MSRA: variants seen among roughly 807,000 people sequenced by gnomAD.
MSRA encodes methionine sulfoxide reductase A.
A neutral mutation model predicts 31.3 loss-of-function variants in MSRA; 54 were observed. The observed-to-expected ratio is 1.73, with a 90% confidence interval of 1.39 to 2.17. The LOEUF is 2.17. Among genes scored for constraint, MSRA ranks in the 30% most tolerant of loss-of-function variants. The pLI is 0.00. For missense variants in MSRA, 507 were observed against 300.9 expected (o/e 1.69, Z -5.07); for synonymous variants, 169 against 116.5 (o/e 1.45, Z -2.90).
At chr8:10,121,722 A>G (rs999201737) in intron 1 of MSRA, among the ~76,000 whole-genome samples, 1 of 151,628 alleles carries the variant, frequency 6.6e-6, no homozygotes, top group Non-Finnish European at 1.5e-5. Context: ...CTAGGCTGGC[A>G]TGCAGCGGTA....
intron 3 of MSRA, among the ~76,000 whole-genome samples, chr8:10,277,004 C>T (rs1249633915): frequency 4.0e-5 from 6 of 151,808 alleles, no homozygotes; most frequent in South Asian, 4.2e-4. Flanking sequence ...ATGTGTATTA[C>T]CATTAAGATA....
intron 5 of MSRA, among the ~76,000 whole-genome samples, chr8:10,426,051 C>T (rs1341139106): frequency 1.3e-5 from 2 of 152,208 alleles, no homozygotes; most frequent in African/African-American, 4.8e-5. Flanking sequence ...CCTGGCATCC[C>T]AAAGCCTTCC....
chr8:10,245,031 T>G, intron 2 of MSRA, 73 bp from the exon 3 acceptor site: 13 of 1,424,146 alleles, frequency 9.1e-6, no homozygotes, highest in Non-Finnish European at 1.1e-5. Flanking sequence ...ATGTAACAGG[T>G]GTATGTGGAT....
At chr8:10,171,295 G>C (rs1369490259) in intron 1 of MSRA, among the ~76,000 whole-genome samples, 1 of 150,374 alleles carries the variant, frequency 6.7e-6, no homozygotes, top group East Asian at 2.0e-4. Context: ...TCTTATTCCT[G>C]TACACTCCCT....
Position 10,200,982 on chromosome 8 carries a change from G to A in MSRA, c.143-6851G>A, listed in dbSNP as rs575124151. Among the ~76,000 whole-genome samples the A allele has an allele frequency of 8.9e-4, 136 of 152,254 alleles. 1 individual carries two copies. The highest frequency in any genetic ancestry group is 3.2e-3 in the African/African-American group (132 of 41,542). ...CAGAGATGGGAGTGGCTAGTCTGAGGCCAGGGCTTGTGGGCCACATAGGAA... is the reference window on the plus strand; with the variant it reads ...CAGAGATGGGAGTGGCTAGTCTGAGACCAGGGCTTGTGGGCCACATAGGAA... On this transcript the variant is annotated intron_variant, in intron 1 of 5. Coordinates refer to ENST00000317173, the MANE Select transcript of MSRA (RefSeq NM_012331.5).
intron 5 of MSRA, among the ~76,000 whole-genome samples, chr8:10,380,272 A>G (rs2129174202): frequency 6.6e-6 from 1 of 152,280 alleles, no homozygotes; most frequent in East Asian, 1.9e-4. Flanking sequence ...TTTAAGATTC[A>G]GCCAGAAGGG....
At chr8:10,243,755 C>A (rs1285327018) in intron 2 of MSRA, among the ~76,000 whole-genome samples, 3 of 152,034 alleles carry the variant, frequency 2.0e-5, no homozygotes, top group Non-Finnish European at 4.4e-5. Flanking sequence ...GTGTGAAAAT[C>A]TTTAGTAGTT....
intron 5 of MSRA, among the ~76,000 whole-genome samples, chr8:10,367,216 C>G (rs1428204060): frequency 6.6e-6 from 1 of 152,054 alleles, no homozygotes; most frequent in Admixed American, 6.5e-5. Context: ...TCTTGGTGAT[C>G]AGATCGACAG....
intron 3 of MSRA, among the ~76,000 whole-genome samples, chr8:10,293,944 C>A (rs1800389836): frequency 6.6e-6 from 1 of 152,184 alleles, no homozygotes; most frequent in Non-Finnish European, 1.5e-5. Context: ...TGGCTCATGC[C>A]TGTAACCTCA....
intron 5 of MSRA, among the ~76,000 whole-genome samples, chr8:10,356,890 A>T (rs1395032748): frequency 4.1e-5 from 4 of 97,524 alleles, no homozygotes; most frequent in Non-Finnish European, 8.4e-5. Context: ...CTTGCCCATT[A>T]AAAAAAAAAA....
At chr8:10,088,136 C>T (rs1798665137) in intron 1 of MSRA, among the ~76,000 whole-genome samples, 1 of 152,178 alleles carries the variant, frequency 6.6e-6, no homozygotes. Flanking sequence ...CCTGTTTCTT[C>T]TGCCACTCTC....
chr8:10,244,510 C>T (rs751812033), intron 2 of MSRA, among the ~76,000 whole-genome samples: 6 of 152,034 alleles, frequency 3.9e-5, no homozygotes, highest in South Asian at 2.1e-4. Flanking sequence ...CCTTCTCCTG[C>T]GTTCATTATA....
intron 1 of MSRA, among the ~76,000 whole-genome samples, chr8:10,127,540 C>T (rs943898827): frequency 6.6e-6 from 1 of 152,156 alleles, no homozygotes; most frequent in Admixed American, 6.5e-5. Context: ...TTAGCTTTGC[C>T]TCACTGGACT....
chr8:10,352,218 C>T (rs918587657), intron 5 of MSRA, among the ~76,000 whole-genome samples: 11 of 152,038 alleles, frequency 7.2e-5, no homozygotes, highest in Non-Finnish European at 1.3e-4. Flanking sequence ...GGGTTCAGTT[C>T]GTGTAGTGAA....
chr8:10,242,667 T>G (rs1265091784), intron 2 of MSRA, among the ~76,000 whole-genome samples: 2 of 152,234 alleles, frequency 1.3e-5, no homozygotes, highest in African/African-American at 4.8e-5. Context: ...ATCACCAGAT[T>G]ATTGAAATTT....
At chr8:10,136,333 G>A (rs1802275338) in intron 1 of MSRA, among the ~76,000 whole-genome samples, 1 of 152,110 alleles carries the variant, frequency 6.6e-6, no homozygotes, top group African/African-American at 2.4e-5. Context: ...TGGTGTTCAA[G>A]GCCTAACATT....
At chr8:10,233,930 G>C (rs1270872721) in intron 2 of MSRA, among the ~76,000 whole-genome samples, 1 of 152,112 alleles carries the variant, frequency 6.6e-6, no homozygotes, top group African/African-American at 2.4e-5. Flanking sequence ...AATAACTGTA[G>C]AAAGAAAAGA....
At chr8:10,352,667 C>G (rs1430373984) in intron 5 of MSRA, among the ~76,000 whole-genome samples, 4 of 152,068 alleles carry the variant, frequency 2.6e-5, no homozygotes. Context: ...TTGTAGAGTA[C>G]AAATCAGATT....
In MSRA at chr8:10,289,363, A is replaced by G. The variant is rs1385064569; in HGVS notation, c.332-12171A>G. Among the ~76,000 whole-genome samples, 3 of 151,958 alleles carry G rather than the reference A, an allele frequency of 2.0e-5. No homozygotes were observed. The East Asian group carries it at 5.8e-4, about 29-fold the overall frequency. ...AGTAGGTACATTTATGGGGTATACG[A>G]GATGATAGGCATATTATCTTGTGTA... On this transcript the variant is annotated intron_variant, in intron 3 of 5. Coordinates refer to ENST00000317173, the MANE Select transcript of MSRA (RefSeq NM_012331.5).
Sources: allele counts gnomAD v4.1 joint callset (sites outside exome capture counted in the v4.1 genomes callset), GRCh38; gene constraint gnomAD v4.1.1; transcripts MANE v1.5; gene names NCBI Gene and HGNC (gene_info 2026-07-23, HGNC 2026-07-21).